Variants in CCDC13 observed in about 807,000 individuals in gnomAD.
CCDC13 encodes the protein coiled-coil domain containing 13.
CCDC13 carries 70 observed loss-of-function variants against 87.3 expected under a neutral mutation model. The observed-to-expected ratio is 0.80, with a 90% CI of 0.66 to 0.98. The LOEUF (loss-of-function observed/expected upper bound fraction) is 0.98, where lower values mean the gene tolerates loss of function less well. Among genes scored for constraint, CCDC13 ranks in the 50% least tolerant of loss-of-function variants. The pLI, the probability that CCDC13 is intolerant of heterozygous loss-of-function variation, is 0.00. For missense variants in CCDC13, 842 were observed against 892.0 expected, an observed-to-expected ratio of 0.94 and a Z score of 0.71; for synonymous variants, 317 against 360.3, an observed-to-expected ratio of 0.88 and a Z score of 1.36.
chr3:42,729,640 C>T (rs149568388), intron 13 of CCDC13, among the ~76,000 whole-genome samples: 240 of 152,376 alleles, frequency 1.6e-3, no homozygotes, highest in Non-Finnish European at 3.0e-3. Flanking sequence ...CATGCCATTT[C>T]AGTGGCCCAG....
chr3:42,710,168 A>T (rs1292463936), intron 14 of CCDC13, among the ~76,000 whole-genome samples: 1 of 143,452 alleles, frequency 7.0e-6, no homozygotes, highest in Admixed American at 7.1e-5. Flanking sequence ...GGAGTGCAGT[A>T]GCGTGATCTC....
rs750874852 is a variant in CCDC13, at chr3:42,752,566, G to A, written c.513+9C>T. On this transcript the variant is annotated intron_variant, in intron 4 of 15. Coordinates refer to ENST00000310232, the MANE Select transcript of CCDC13 (RefSeq NM_144719.4). ...CCCCTCCAGAGGGAGAATGACCAAG[G>A]CCCCTCACTTCCCGCTCCAGCTCCT... is the stretch of plus-strand genomic sequence containing the variant. The A allele has an allele frequency of 6.2e-7, 1 of 1,613,956 alleles. No individual in the cohort carries two copies. Among genetic ancestry groups the A allele is most frequent in the African/African-American group, 1.3e-5 (1 of 74,928 alleles).
intron 1 of CCDC13, among the ~76,000 whole-genome samples, chr3:42,759,947 T>C (rs776376351): frequency 3.9e-5 from 6 of 152,208 alleles, no homozygotes; most frequent in Non-Finnish European, 8.8e-5. Flanking sequence ...GCCATCCTCG[T>C]CAGCATTTAG....
In CCDC13 at chr3:42,769,806, G is replaced by A. The variant is rs141131765; in HGVS notation, c.-7+3370C>T. On this transcript the variant is annotated intron_variant, in intron 1 of 15. Coordinates refer to ENST00000310232, the MANE Select transcript of CCDC13 (RefSeq NM_144719.4). ...TGGGCTCCGCAGGCCCACACTCCAAGCAGCCGGCTGGCCGCAAGCCCCTGG... is the reference window on the plus strand; with the variant it reads ...TGGGCTCCGCAGGCCCACACTCCAAACAGCCGGCTGGCCGCAAGCCCCTGG... Among the ~76,000 whole-genome samples the A allele has an allele frequency of 6.4e-3, 975 of 152,376 alleles. 9 individuals carry two copies. The highest frequency in any genetic ancestry group is 0.022 in the African/African-American group (925 of 41,594).
At chr3:42,718,078 T>C (rs1698473319) in intron 13 of CCDC13, 1 of 152,190 alleles carries the variant, frequency 6.6e-6, no homozygotes, top group Non-Finnish European at 1.5e-5. Context: ...CCATCTTAAA[T>C]AGGAGCTGGG....
chr3:42,724,464 G>A (rs983415482), intron 13 of CCDC13, among the ~76,000 whole-genome samples: 15 of 152,182 alleles, frequency 9.9e-5, no homozygotes, highest in Middle Eastern at 3.2e-3. Context: ...GGGATCTACA[G>A]ATGTCCGTAA....
Position 42,751,984 on chromosome 3 carries a change from G to C in CCDC13, c.555C>G (p.Thr185=), listed in dbSNP as rs757740563. Residue 185 remains threonine (T), a synonymous_variant, in exon 5 of 16, where the codon ACC becomes ACG. Coordinates refer to ENST00000310232, the MANE Select transcript of CCDC13 (RefSeq NM_144719.4). ...CCCTCGGTGGCTTGGCTCCTGCGTCGGTGGCCCCCTTGGCTGACAGCCTGG... is the reference window on the plus strand; with the variant it reads ...CCCTCGGTGGCTTGGCTCCTGCGTCCGTGGCCCCCTTGGCTGACAGCCTGG... ...ALTRLSAKGA[T]DAGAKPPRAQ... The C allele has an allele frequency of 1.2e-6, 2 of 1,610,240 alleles. No homozygotes were observed. Among genetic ancestry groups the C allele is most frequent in the Admixed American group, 3.3e-5 (2 of 60,026 alleles).
intron 1 of CCDC13, among the ~76,000 whole-genome samples, chr3:42,762,042 A>G (rs867541282): frequency 6.6e-6 from 1 of 152,160 alleles, no homozygotes; most frequent in African/African-American, 2.4e-5. Context: ...TTCAATACCA[A>G]ATCCCCAGGA....
At position 42,752,725 on chromosome 3, in the gene CCDC13, G is replaced by A. The variant is rs1290654820; in HGVS notation, c.371-8C>T. ...CGGCTACACCGGCTGTCCCTAAAATGAAAGGAATGGTGAGGTCAATTAAAA... is the reference window on the plus strand; with the variant it reads ...CGGCTACACCGGCTGTCCCTAAAATAAAAGGAATGGTGAGGTCAATTAAAA... On this transcript the variant is annotated splice_region_variant and splice_polypyrimidine_tract_variant and intron_variant, in intron 3 of 15. Transcript: ENST00000310232. The A allele has an allele frequency of 6.8e-6, 11 of 1,613,634 alleles. No individual in the cohort carries two copies. The highest frequency in any genetic ancestry group is 8.5e-6 in the Non-Finnish European group (10 of 1,180,026).
At chr3:42,770,806 A>C (rs550186829) in intron 1 of CCDC13, 19 of 153,202 alleles carry the variant, frequency 1.2e-4, no homozygotes, top group Non-Finnish European at 2.3e-4. Context: ...CCACCCTAAG[A>C]GCTGTAACAC....
chr3:42,735,199 AGTGTGCTTCACGCTGCGC>A (rs566490723), intron 10 of CCDC13, among the ~76,000 whole-genome samples: 29 of 152,204 alleles, frequency 1.9e-4, no homozygotes, highest in African/African-American at 7.0e-4. Context: ...GAGGGGAGGG[AGTGTGCTTCACGCTGCGC>A]GTAGCCCTGG....
intron 1 of CCDC13, among the ~76,000 whole-genome samples, chr3:42,767,893 GA>G (rs1422491694): frequency 1.3e-5 from 2 of 151,816 alleles, no homozygotes; most frequent in Non-Finnish European, 2.9e-5. Context: ...AGAATCGCTT[GA>G]ACCCAGGAGG....
At chr3:42,725,077 C>T (rs1461916139) in intron 13 of CCDC13, among the ~76,000 whole-genome samples, 2 of 152,090 alleles carry the variant, frequency 1.3e-5, no homozygotes, top group African/African-American at 4.8e-5. Flanking sequence ...GGAAAATATA[C>T]TTATCCTCAC....
chr3:42,738,526 A>G (rs1699105785), intron 9 of CCDC13, among the ~76,000 whole-genome samples: 1 of 151,628 alleles, frequency 6.6e-6, no homozygotes, highest in South Asian at 2.1e-4. Flanking sequence ...CATGATATTG[A>G]CTCTTCCTAC....
intron 5 of CCDC13, among the ~76,000 whole-genome samples, chr3:42,751,179 T>C (rs931604227): frequency 1.3e-5 from 2 of 152,160 alleles, no homozygotes; most frequent in African/African-American, 2.4e-5. Context: ...AAGCACCAAA[T>C]TGGGAGTCCC....
Position 42,732,361 on chromosome 3 carries a change from G to A in CCDC13, c.1595+526C>T, listed in dbSNP as rs1559644233. 2.0e-5 allele frequency among the ~76,000 whole-genome samples: 3 copies of A among 152,178 alleles called. No homozygotes were observed. In the South Asian group the frequency reaches 6.2e-4, roughly 32 times the overall value. ...TGCCTGAGGGGTCAGGGTGGGGAGT[G>A]TTGACAGCAGGAGCATGGCTCCAGT... On this transcript the variant is annotated intron_variant, in intron 12 of 15. Transcript: ENST00000310232.
Position 42,730,554 on chromosome 3 carries a change from G to C in CCDC13, c.1631C>G (p.Ala544Gly). The change falls in exon 13 of 16, where the codon GCA becomes GGA. Residue 544 changes from alanine (A) to glycine (G), a missense_variant. Physicochemically the swap from Ala to Gly is moderately conservative, Grantham distance 60. Coordinates refer to ENST00000310232, the MANE Select transcript of CCDC13 (RefSeq NM_144719.4). The part of the protein sequence containing the change: ...SDSPEQKGWQ[A>G]QVSEIKALWQ... Reference sequence around the variant, plus strand: ...GAGGGCCTTGATCTCTGACACTTGTGCCTGCCAGCCTTTTTGTTCTGGGGA... The same window carrying C: ...GAGGGCCTTGATCTCTGACACTTGTCCCTGCCAGCCTTTTTGTTCTGGGGA... The C allele has an allele frequency of 6.2e-7, 1 of 1,614,170 alleles. No homozygotes were observed. The highest frequency in any genetic ancestry group is 8.5e-7 in the Non-Finnish European group (1 of 1,180,010).
chr3:42,741,402 C>A (rs551633657), intron 8 of CCDC13, among the ~76,000 whole-genome samples: 7 of 152,232 alleles, frequency 4.6e-5, no homozygotes, highest in African/African-American at 1.7e-4. Flanking sequence ...ACCATGTGAC[C>A]TTTCCAAAAT....
At chr3:42,731,785 G>C (rs1470426404) in intron 12 of CCDC13, among the ~76,000 whole-genome samples, 1 of 152,208 alleles carries the variant, frequency 6.6e-6, no homozygotes, top group African/African-American at 2.4e-5. Context: ...GGATCACTCT[G>C]CCCTGTGAAT....
Sources: gnomAD v4.1 joint callset for allele counts (sites outside exome capture counted in the v4.1 genomes callset) on GRCh38, gnomAD v4.1.1 for gene constraint, MANE v1.5 for transcripts, NCBI Gene and HGNC (gene_info 2026-07-23, HGNC 2026-07-21) for gene names.